The following ANK2 variants were observed in gnomAD, a reference collection of about 807,000 sequenced individuals.
ANK2 encodes ankyrin 2.
ANK2 carries 83 observed loss-of-function variants against 360.5 expected under a neutral mutation model. That is an observed-to-expected ratio of 0.23 (90% CI 0.19 to 0.28). ANK2 has a LOEUF of 0.28. Ranked by LOEUF, ANK2 falls within the 10% of genes least tolerant of loss-of-function variation. The pLI, the probability that ANK2 is intolerant of heterozygous loss-of-function variation, is 1.00. For synonymous variants in ANK2, 1,740 were observed against 1,759.5 expected (o/e 0.99, Z 0.28); for missense variants, 4,201 against 4,795.7 (o/e 0.88, Z 3.66).
intron 31 of ANK2, 95 bp from the exon 32 acceptor site, chr4:113,339,131 G>T: frequency 9.9e-7 from 1 of 1,013,078 alleles, no homozygotes; most frequent in Non-Finnish European, 1.5e-6. Context: ...TGAGGGGTGG[G>T]ATTTGGCTTG....
At chr4:112,886,577 G>T (rs1310734779) in intron 1 of ANK2, among the ~76,000 whole-genome samples, 1 of 152,052 alleles carries the variant, frequency 6.6e-6, no homozygotes, top group African/African-American at 2.4e-5. Context: ...CAGGAGAATC[G>T]CTTGAACCTG....
chr4:113,035,040 A>AT (rs910492786), intron 2 of ANK2, among the ~76,000 whole-genome samples: 3 of 151,040 alleles, frequency 2.0e-5, no homozygotes, highest in African/African-American at 7.3e-5. Context: ...TCTACCTTCC[A>AT]TTTTTTTTCC....
chr4:113,305,886 C>T (rs1290138534), intron 23 of ANK2, among the ~76,000 whole-genome samples: 2 of 152,092 alleles, frequency 1.3e-5, no homozygotes, highest in Non-Finnish European at 2.9e-5. Context: ...ATGTTTAATA[C>T]TAATAGCTTT....
At chr4:112,852,270 C>G (rs1488625678) in intron 1 of ANK2, among the ~76,000 whole-genome samples, 1 of 152,206 alleles carries the variant, frequency 6.6e-6, no homozygotes, top group Non-Finnish European at 1.5e-5. Context: ...AAAGCAAACC[C>G]TTGACTCTTC....
At chr4:112,745,293 A>T in the ANK2 span, among the ~76,000 whole-genome samples, 12 of 152,234 alleles carry the variant, frequency 7.9e-5, no homozygotes, top group East Asian at 2.3e-3. Flanking sequence ...TTATTTTCTT[A>T]CTTTTTAATT....
At chr4:112,846,329 C>T (rs1462485388) in intron 1 of ANK2, among the ~76,000 whole-genome samples, 1 of 152,056 alleles carries the variant, frequency 6.6e-6, no homozygotes, top group Admixed American at 6.6e-5. Context: ...CCAGGCTGGC[C>T]TCCAACTCTG....
chr4:113,117,510 A>C (rs375042133), intron 1 of ANK2: 1 of 429,590 alleles, frequency 2.3e-6, no homozygotes, highest in South Asian at 1.7e-5. Flanking sequence ...CCTTCCTTCC[A>C]TCATTCCCCT....
the ANK2 span, among the ~76,000 whole-genome samples, chr4:112,805,092 A>T: frequency 6.6e-6 from 1 of 152,208 alleles, no homozygotes; most frequent in African/African-American, 2.4e-5. Context: ...TGTAGAAGTG[A>T]CTAGCACTGA....
At chr4:112,855,835 C>T (rs1221428733) in intron 1 of ANK2, among the ~76,000 whole-genome samples, 1 of 152,098 alleles carries the variant, frequency 6.6e-6, no homozygotes. Context: ...AATGTCCTCC[C>T]CTTTGGATTT....
chr4:113,358,417 T>C lies in ANK2; in HGVS notation c.9799T>C (p.Ser3267Pro). The stretch of plus-strand genomic sequence containing the variant: ...TTCCACACTCACCAGGTCTGTTTAT[T>C]CAGATAGGGGTGATGATTCTCCCGA... Reference protein sequence around the residue: ...DFSTLTRSVYSDRGDDSPDSS... With the variant: ...DFSTLTRSVYPDRGDDSPDSS... Residue 3267 changes from serine (S) to proline (P), a missense_variant, in exon 38 of 46, where the codon TCA (serine) becomes CCA (proline). By Grantham distance (74) the Ser-to-Pro change is moderately conservative. This residue lies in a region of ANK2 where 2,642 missense variants were observed against 2,714.5 expected (regional missense o/e 0.97). Transcript: ENST00000357077. 6.2e-7 allele frequency: 1 copy of C among 1,614,088 alleles called. No individual in the cohort carries two copies. The highest frequency in any genetic ancestry group is 1.7e-4 in the Middle Eastern group (1 of 6,060).
chr4:113,311,436 G>A lies in ANK2; in HGVS notation c.2693+37G>A, dbSNP rs757634040. On this transcript the variant is annotated intron_variant, in intron 24 of 45. Coordinates refer to ENST00000357077, the MANE Select transcript of ANK2 (RefSeq NM_001148.6). ...AACTTATAATTGATGTCAGCCAGAA[G>A]TATGTGCAACATATTTTTTATGATG... 2.5e-6 allele frequency: 4 copies of A among 1,611,114 alleles called. No homozygotes were observed. In the South Asian group the frequency reaches 4.4e-5, roughly 18 times the overall value.
At position 112,997,241 on chromosome 4, in the gene ANK2, T is replaced by C. The variant is rs138156641; in HGVS notation, c.21+92727T>C. 2.8e-4 allele frequency among the ~76,000 whole-genome samples: 42 copies of C among 152,274 alleles called. No individual in the cohort carries two copies. The East Asian group carries it at 7.5e-3, about 27-fold the overall frequency. On this transcript the variant is annotated intron_variant, in intron 2 of 30. Transcript: ENST00000503271. ...ACACATGTATTGCTTCATGTACTTA[T>C]CATTTTTGTGTGTGGTGACAACACT... is the stretch of plus-strand genomic sequence containing the variant.
intron 1 of ANK2, among the ~76,000 whole-genome samples, chr4:113,073,782 C>T (rs1044682011): frequency 6.6e-6 from 1 of 152,200 alleles, no homozygotes; most frequent in Non-Finnish European, 1.5e-5. Context: ...GCCACGGAAA[C>T]ACCTCATCCA....
At chr4:112,971,419 A>G (rs890402115) in intron 2 of ANK2, among the ~76,000 whole-genome samples, 4 of 152,196 alleles carry the variant, frequency 2.6e-5, no homozygotes, top group Non-Finnish European at 4.4e-5. Flanking sequence ...TCATTTGCCT[A>G]TTTCCGAGAT....
At chr4:112,958,322 C>A (rs370836969) in intron 2 of ANK2, among the ~76,000 whole-genome samples, 8 of 152,202 alleles carry the variant, frequency 5.3e-5, no homozygotes, top group Non-Finnish European at 8.8e-5. Context: ...CTGAGTGAAC[C>A]AGACTCCATC....
intron 2 of ANK2, among the ~76,000 whole-genome samples, chr4:112,991,055 T>C (rs988274159): frequency 6.6e-6 from 1 of 151,940 alleles, no homozygotes; most frequent in African/African-American, 2.4e-5. Flanking sequence ...ATGGGGACCA[T>C]CCTGGCCAAC....
Position 113,176,168 on chromosome 4 carries a change from G to T in ANK2, c.186+1651G>T, listed in dbSNP as rs10016982. Among the ~76,000 whole-genome samples, 242 of 152,232 alleles carry T rather than the reference G, an allele frequency of 1.6e-3. 2 individuals carry two copies. Among genetic ancestry groups the T allele is most frequent in the African/African-American group, 5.7e-3 (235 of 41,524 alleles). ...TTTGTGTCAACCCTGTTAGATATGG[G>T]GGAAGAAAGGGATAGGGAACTGGTA... On this transcript the variant is annotated intron_variant, in intron 2 of 45. Transcript: ENST00000357077.
the ANK2 span, among the ~76,000 whole-genome samples, chr4:112,782,050 G>A: frequency 6.6e-6 from 1 of 151,978 alleles, no homozygotes; most frequent in Non-Finnish European, 1.5e-5. Context: ...GGCTAGTCTC[G>A]AACTCCTGAC....
Position 113,360,830 on chromosome 4 carries a change from G to A in ANK2, c.10689G>A (p.Gln3563=). The A allele has an allele frequency of 6.2e-7, 1 of 1,612,464 alleles. No homozygotes were observed. The highest frequency in any genetic ancestry group is 8.5e-7 in the Non-Finnish European group (1 of 1,179,154). ...ENGHDHAEDP[Q]DEQERIEERL... ...GTTTTTGACCTTCTCCAGATCCACA[G>A]GATGAGCAGGAACGGATCGAGGAAA... The change falls in exon 39 of 46, where the codon CAG becomes CAA. Residue 3563 remains glutamine, a synonymous_variant. Transcript: ENST00000357077.
Sources: gnomAD v4.1 joint callset for allele counts (sites outside exome capture counted in the v4.1 genomes callset) on GRCh38, gnomAD v4.1.1 for gene constraint, gnomAD v4.1.1 regional missense constraint, MANE v1.5 for transcripts, NCBI Gene and HGNC (gene_info 2026-07-23, HGNC 2026-07-21) for gene names.